AMOT: variants seen among roughly 807,000 people sequenced by gnomAD.
The protein encoded by AMOT is angiomotin.
A neutral mutation model predicts 67.0 loss-of-function variants in AMOT; 11 were observed. The observed-to-expected ratio is 0.16, with a 90% confidence interval of 0.10 to 0.27. The LOEUF (loss-of-function observed/expected upper bound fraction) is 0.27, where lower values mean the gene tolerates loss of function less well. Ranked by LOEUF, AMOT falls within the 10% of genes least tolerant of loss-of-function variation. The pLI is 1.00. For missense variants in AMOT, 753 were observed against 852.0 expected, an observed-to-expected ratio of 0.88 and a Z score of 1.45; for synonymous variants, 326 against 321.4, an observed-to-expected ratio of 1.01 and a Z score of -0.15.
intron 7 of AMOT, among the ~76,000 whole-genome samples, chrX:112,805,685 C>A (rs1934157215): frequency 8.9e-6 from 1 of 111,910 alleles, no homozygotes. Context: ...ACCCCCTAAC[C>A]CAACCCACTT....
At chrX:112,829,776 T>C (rs1934941136) in intron 2 of AMOT, among the ~76,000 whole-genome samples, 1 of 111,156 alleles carries the variant, frequency 9.0e-6, no homozygotes, top group African/African-American at 3.3e-5. Context: ...ACCTTAAACA[T>C]GTTTATAGGC....
At chrX:112,821,035 C>T (rs1476931420) in intron 4 of AMOT, among the ~76,000 whole-genome samples, 1 of 104,636 alleles carries the variant, frequency 9.6e-6, no homozygotes. Context: ...AAAACAGGAC[C>T]TGCAGGGGAA....
chrX:112,815,937 G>A, intron 4 of AMOT, 60 bp from the exon 5 acceptor site: 1 of 1,128,652 alleles, frequency 8.9e-7, no homozygotes, highest in Non-Finnish European at 1.2e-6. Context: ...GGGGGAGAAG[G>A]GCACACAAAA....
chrX:112,789,929 G>A (rs917259615), intron 10 of AMOT, among the ~76,000 whole-genome samples: 1 of 107,236 alleles, frequency 9.3e-6, no homozygotes, highest in African/African-American at 3.4e-5. Context: ...AGACACATGA[G>A]GTAAGAGCAA....
In AMOT at chrX:112,815,784, C is replaced by T; in HGVS notation, c.966G>A (p.Leu322=). 8.6e-7 allele frequency: 1 copy of T among 1,167,362 alleles called. No homozygotes were observed. Among genetic ancestry groups the T allele is most frequent in the East Asian group, 3.3e-5 (1 of 30,749 alleles). The change falls in exon 5 of 14, where the codon TTG becomes TTA. Residue 322 remains leucine (L), a synonymous_variant. Transcript: ENST00000371959. The stretch of plus-strand genomic sequence containing the variant: ...ATCTAGTGGATGGTGGAGATTGTAG[C>T]AAGGGCAAGGACCCCCCAGAGGTCA... ...SSLTSGGSLP[L]LQSPPSTRLS...
In AMOT at chrX:112,777,994, TG is replaced by T. The variant is rs771227301; in HGVS notation, c.*572del. ...CCCTGGGGCAGGGTAGCTGGGAAAC[TG>T]GAAGAAAAAATTAGCTCCAGTACCC... is the stretch of plus-strand genomic sequence containing the variant. On this transcript the variant is annotated 3_prime_UTR_variant, in exon 14 of 14. Coordinates refer to ENST00000371959, the MANE Select transcript of AMOT (RefSeq NM_001113490.2). The T allele has an allele frequency of 1.8e-5, 2 of 112,178 alleles. 1 individual carries two copies. The highest frequency in any genetic ancestry group is 7.5e-4 in the South Asian group (2 of 2,652). 9.2% of individuals were successfully genotyped at this position (112,178 alleles called of 1,213,427 possible).
Position 112,779,106 on chromosome X carries a change from TGGAGCTGGAGTTGGAGCCACAGCC to T in AMOT, c.3024_3047del (p.Ala1009_Pro1016del). On this transcript the variant is annotated inframe_deletion, in exon 13 of 14. Transcript: ENST00000371959. Reference sequence around the variant, plus strand: ...CCTGAGCCACAGCTGGAGTTGGAGTTGGAGCTGGAGTTGGAGCCACAGCCGGAGCTGAAGTTGGTGCCTGAGTCT... The same window carrying T: ...CCTGAGCCACAGCTGGAGTTGGAGTTGGAGCTGAAGTTGGTGCCTGAGTCT... 1 of 1,170,158 alleles carries T rather than the reference TGGAGCTGGAGTTGGAGCCACAGCC, an allele frequency of 8.5e-7. No homozygotes were observed. Among genetic ancestry groups the T allele is most frequent in the Non-Finnish European group, 1.2e-6 (1 of 857,586 alleles).
rs185564284 is a variant in AMOT at position 112,776,406 on chromosome X, G to T, written c.*2161C>A. The T allele has an allele frequency of 7.1e-5, 8 of 112,108 alleles. No homozygotes were observed. Among genetic ancestry groups the T allele is most frequent in the Admixed American group, 5.7e-4 (6 of 10,605 alleles). The allele number at this position is 112,108 out of a possible 1,213,427, so 9.2% of individuals were successfully genotyped here. ...GTGTTTTTTTCTCCTTATGACTAAA[G>T]GGTAGTATGAAAGAGTCTTAACACA... is the stretch of plus-strand genomic sequence containing the variant. On this transcript the variant is annotated 3_prime_UTR_variant, in exon 14 of 14. Transcript: ENST00000371959.
At chrX:112,834,545 T>C (rs1243470719) in intron 1 of AMOT, among the ~76,000 whole-genome samples, 1 of 111,919 alleles carries the variant, frequency 8.9e-6, no homozygotes, top group African/African-American at 3.2e-5. Context: ...CATGTTATCT[T>C]AATGTTTCTT....
intron 1 of AMOT, among the ~76,000 whole-genome samples, chrX:112,836,838 T>C (rs1392517458): frequency 1.9e-5 from 2 of 106,479 alleles, no homozygotes; most frequent in African/African-American, 6.9e-5. Context: ...AAGAAAACCA[T>C]AAACGTATAA....
intron 2 of AMOT, among the ~76,000 whole-genome samples, chrX:112,826,587 G>C (rs531919701): frequency 8.9e-6 from 1 of 112,079 alleles, no homozygotes. Flanking sequence ...TGTTAACAGA[G>C]CTATGGTACA....
intron 10 of AMOT, among the ~76,000 whole-genome samples, chrX:112,788,017 T>C (rs1231878213): frequency 3.6e-5 from 4 of 111,387 alleles, no homozygotes; most frequent in Non-Finnish European, 7.5e-5. Flanking sequence ...AGGGCGGGCG[T>C]GGTGGCTCAC....
intron 1 of AMOT, among the ~76,000 whole-genome samples, chrX:112,838,771 A>G: frequency 8.9e-6 from 1 of 112,774 alleles, no homozygotes; most frequent in African/African-American, 3.2e-5. Context: ...TTTACTTCAC[A>G]TCTAGACTGT....
intron 8 of AMOT, among the ~76,000 whole-genome samples, chrX:112,793,330 T>C (rs945228449): frequency 4.5e-5 from 5 of 111,799 alleles, no homozygotes; most frequent in African/African-American, 1.6e-4. Context: ...GCTCTTGAGT[T>C]ACCTAGGTAG....
chrX:112,828,243 G>A (rs1194076798), intron 2 of AMOT, among the ~76,000 whole-genome samples: 1 of 108,789 alleles, frequency 9.2e-6, no homozygotes, highest in Non-Finnish European at 1.9e-5. Context: ...CATAAACACC[G>A]TGGCACAGAG....
chrX:112,833,519 CTGTT>C (rs1471941888), intron 1 of AMOT, among the ~76,000 whole-genome samples: 1 of 98,728 alleles, frequency 1.0e-5, no homozygotes, highest in African/African-American at 4.0e-5. Flanking sequence ...GCTTCAAAAA[CTGTT>C]TGCTTTTTAA....
intron 1 of AMOT, among the ~76,000 whole-genome samples, chrX:112,835,799 G>C (rs1231947912): frequency 2.7e-5 from 3 of 111,127 alleles, no homozygotes; most frequent in African/African-American, 6.6e-5. Context: ...GGTCAGGCTG[G>C]TCTTGAACTC....
In AMOT at chrX:112,823,064, C is replaced by T; in HGVS notation, c.63G>A (p.Glu21=). ...GTTVLQRLLQ[E]QLRYGNPSEN... ...CACTAGGATTGCCATAGCGAAGCTG[C>T]TCTTGTAGCAAACGCTGCAATACCG... Residue 21 remains glutamate, a synonymous_variant, in exon 4 of 14, where the codon GAG becomes GAA. Transcript: ENST00000371959. 1 of 1,167,654 alleles carries T rather than the reference C, an allele frequency of 8.6e-7. No homozygotes were observed. The highest frequency in any genetic ancestry group is 2.6e-5 in the Admixed American group (1 of 38,713).
chrX:112,777,790 TAAGA>T lies in AMOT; in HGVS notation c.*773_*776del, dbSNP rs1932975629. 1 of 112,065 alleles carries T rather than the reference TAAGA, an allele frequency of 8.9e-6. No individual in the cohort carries two copies. Among genetic ancestry groups the T allele is most frequent in the Non-Finnish European group, 1.9e-5 (1 of 53,192 alleles). The allele number at this position is 112,065 out of a possible 1,213,427, so 9.2% of individuals were successfully genotyped here. On this transcript the variant is annotated 3_prime_UTR_variant, in exon 14 of 14. Transcript: ENST00000371959. The stretch of plus-strand genomic sequence containing the variant: ...CAAGGCCTCTGATGGTCTAATTCCC[TAAGA>T]GAGAGGAAGTTGCGCATCACTCAGT...
Sources: allele counts gnomAD v4.1 joint callset (sites outside exome capture counted in the v4.1 genomes callset), GRCh38; gene constraint gnomAD v4.1.1; transcripts MANE v1.5; gene names NCBI Gene and HGNC (gene_info 2026-07-23, HGNC 2026-07-21).